ZNF713: variants seen among roughly 807,000 people sequenced by gnomAD.
ZNF713 encodes zinc finger protein 713.
Under a neutral mutation model 28.7 loss-of-function variants are expected in ZNF713, and 21 were observed. That is an observed-to-expected ratio of 0.73 (90% CI 0.52 to 1.05). The LOEUF (loss-of-function observed/expected upper bound fraction) is 1.05. Among genes scored for constraint, ZNF713 ranks in the 50% least tolerant of loss-of-function variants. The pLI, the probability that ZNF713 is intolerant of heterozygous loss-of-function variation, is 0.00. For synonymous variants in ZNF713, 167 were observed against 178.0 expected (o/e 0.94, Z 0.49); for missense variants, 458 against 532.4 (o/e 0.86, Z 1.37).
intron 6 of ZNF713, among the ~76,000 whole-genome samples, chr7:55,934,304 T>C (rs1786301543): frequency 6.6e-6 from 1 of 151,800 alleles, no homozygotes; most frequent in African/African-American, 2.4e-5. Context: ...GGTCTACAGA[T>C]CCCCAGTACC....
At chr7:55,915,999 T>C (rs184589520) in intron 4 of ZNF713, among the ~76,000 whole-genome samples, 11 of 152,218 alleles carry the variant, frequency 7.2e-5, no homozygotes, top group East Asian at 1.9e-4. Flanking sequence ...AAACTAGTCA[T>C]TGGAGGAAAG....
At chr7:55,935,901 G>A (rs1786335646) in intron 6 of ZNF713, among the ~76,000 whole-genome samples, 1 of 151,970 alleles carries the variant, frequency 6.6e-6, no homozygotes, top group Non-Finnish European at 1.5e-5. Flanking sequence ...CTTGCAATGA[G>A]CCGAGATCAC....
chr7:55,923,116 T>C (rs1011143892), intron 4 of ZNF713, 46 bp from the exon 5 acceptor site: 11 of 1,571,004 alleles, frequency 7.0e-6, no homozygotes, highest in Non-Finnish European at 9.5e-6. Context: ...TGAGGGTCCC[T>C]GTAAGAACCG....
intron 5 of ZNF713, 58 bp downstream of exon 5, chr7:55,923,346 T>G: frequency 1.3e-6 from 2 of 1,558,448 alleles, no homozygotes; most frequent in South Asian, 2.5e-5. Context: ...TTTCCTGAAC[T>G]AGTAGAAGCC....
At chr7:55,906,145 G>A (rs886510761) in intron 1 of ZNF713, 108 bp from the exon 2 acceptor site, 9 of 151,660 alleles carry the variant, frequency 5.9e-5, no homozygotes, top group African/African-American at 1.2e-4. Context: ...GTTAATCAGA[G>A]TGTATTTTCA....
intron 1 of ZNF713, among the ~76,000 whole-genome samples, chr7:55,900,368 TG>T (rs34189721): frequency 0.28 from 42,522 of 151,616 alleles, 6,354 homozygotes; most frequent in Middle Eastern, 0.38. Flanking sequence ...CTCAGAGGGC[TG>T]AGGCAGGAGA....
At chr7:55,924,185 C>G (rs1786050978) in intron 6 of ZNF713, 1 of 153,032 alleles carries the variant, frequency 6.5e-6, no homozygotes, top group Non-Finnish European at 1.5e-5. Flanking sequence ...TTGTATACAA[C>G]CCACAGCCTA....
At chr7:55,897,431 C>T (rs1363640086) in intron 1 of ZNF713, among the ~76,000 whole-genome samples, 1 of 151,864 alleles carries the variant, frequency 6.6e-6, no homozygotes, top group Non-Finnish European at 1.5e-5. Context: ...AGGCACTCGC[C>T]ACCACACCCA....
At chr7:55,889,268 A>G (rs925793247) in intron 1 of ZNF713, among the ~76,000 whole-genome samples, 1 of 151,834 alleles carries the variant, frequency 6.6e-6, no homozygotes, top group East Asian at 1.9e-4. Flanking sequence ...CACCTGGCTC[A>G]TTTTTGTATT....
At chr7:55,927,475 A>G (rs1247167403) in intron 6 of ZNF713, among the ~76,000 whole-genome samples, 1 of 152,098 alleles carries the variant, frequency 6.6e-6, no homozygotes, top group East Asian at 1.9e-4. Flanking sequence ...GTGAGTTACG[A>G]TGGCACCACT....
chr7:55,929,506 G>A (rs893614465), intron 6 of ZNF713, among the ~76,000 whole-genome samples: 1 of 152,200 alleles, frequency 6.6e-6, no homozygotes, highest in Non-Finnish European at 1.5e-5. Flanking sequence ...GCCATCTGGA[G>A]AGAGACAGAA....
intron 1 of ZNF713, among the ~76,000 whole-genome samples, chr7:55,888,169 T>C (rs1358703990): frequency 6.6e-6 from 1 of 152,154 alleles, no homozygotes; most frequent in Non-Finnish European, 1.5e-5. Context: ...GGCTTTATTT[T>C]CTTATAATAC....
At chr7:55,924,404 C>T (rs1166263646) in intron 6 of ZNF713, 1 of 152,396 alleles carries the variant, frequency 6.6e-6, no homozygotes, top group Non-Finnish European at 1.5e-5. Flanking sequence ...CAGCCTCTCT[C>T]TGTATCTCCC....
At chr7:55,891,494 A>G (rs1182739539) in intron 1 of ZNF713, among the ~76,000 whole-genome samples, 1 of 146,202 alleles carries the variant, frequency 6.8e-6, no homozygotes, top group Non-Finnish European at 1.5e-5. Context: ...AGCCTGGGAA[A>G]CATGGTGAGA....
chr7:55,940,114 C>G lies in ZNF713; in HGVS notation c.*108C>G. ...ATTCATAGTGGAGAGAAAGCTTATACATAAATTTTTGTTTTGTTTTGTTTT... is the reference window on the plus strand; with the variant it reads ...ATTCATAGTGGAGAGAAAGCTTATAGATAAATTTTTGTTTTGTTTTGTTTT... On this transcript the variant is annotated 3_prime_UTR_variant, in exon 7 of 7. Transcript: ENST00000429591. The G allele has an allele frequency of 6.9e-7, 1 of 1,448,298 alleles. No homozygotes were observed. The highest frequency in any genetic ancestry group is 9.0e-7 in the Non-Finnish European group (1 of 1,106,724). The allele number at this position is 1,448,298 out of a possible 1,614,324, so 89.7% of individuals were successfully genotyped here. A position where few individuals can be genotyped will look rare whatever the true frequency, so the allele number is the denominator to read the frequency against.
chr7:55,925,986 C>T (rs889921851), intron 6 of ZNF713, among the ~76,000 whole-genome samples: 1 of 152,104 alleles, frequency 6.6e-6, no homozygotes, highest in African/African-American at 2.4e-5. Context: ...CTACACAGAC[C>T]CCCAACTCGA....
intron 2 of ZNF713, among the ~76,000 whole-genome samples, chr7:55,907,831 A>ATGT (rs1445570561): frequency 6.6e-6 from 1 of 152,106 alleles, no homozygotes; most frequent in African/African-American, 2.4e-5. Flanking sequence ...TGTTGTATAT[A>ATGT]TGTTACATTT....
chr7:55,892,555 C>CAAAAAAAAAAAAAAAAAAAAAAA (rs56338467), intron 1 of ZNF713, among the ~76,000 whole-genome samples: 1 of 74,366 alleles, frequency 1.3e-5, no homozygotes, highest in African/African-American at 5.8e-5. Flanking sequence ...AAGCACTGAC[C>CAAAAAAAAAAAAAAAAAAAAAAA]AAAAAAAAAA....
intron 1 of ZNF713, among the ~76,000 whole-genome samples, chr7:55,887,947 C>G (rs1433196006): frequency 6.7e-6 from 1 of 148,364 alleles, no homozygotes; most frequent in Non-Finnish European, 1.5e-5. Context: ...TCCCCGCTGT[C>G]CCCATTCCTG....
Sources: allele counts gnomAD v4.1 joint callset (sites outside exome capture counted in the v4.1 genomes callset), GRCh38; gene constraint gnomAD v4.1.1; transcripts MANE v1.5; gene names NCBI Gene and HGNC (gene_info 2026-07-23, HGNC 2026-07-21).